ZBTB20: variants seen among roughly 807,000 people sequenced by gnomAD.
ZBTB20 encodes the protein zinc finger and BTB domain-containing protein 20.
A neutral mutation model predicts 56.9 loss-of-function variants in ZBTB20; 9 were observed. The observed-to-expected ratio is 0.16, with a 90% confidence interval of 0.10 to 0.28. ZBTB20 has a LOEUF of 0.28. ZBTB20 is among the 10% of genes least tolerant of loss of function. The pLI is 1.00. For synonymous variants in ZBTB20, 417 were observed against 420.7 expected, an observed-to-expected ratio of 0.99 and a Z score of 0.11; for missense variants, 655 against 1,003.0, an observed-to-expected ratio of 0.65 and a Z score of 4.69.
At chr3:114,954,162 T>C (rs2077169170) in intron 3 of ZBTB20, among the ~76,000 whole-genome samples, 1 of 152,170 alleles carries the variant, frequency 6.6e-6, no homozygotes, top group Non-Finnish European at 1.5e-5. Flanking sequence ...GTAATCCAAA[T>C]AGTTTTGACT....
chr3:114,907,475 C>T (rs1198007943), intron 3 of ZBTB20, among the ~76,000 whole-genome samples: 1 of 151,782 alleles, frequency 6.6e-6, no homozygotes, highest in Non-Finnish European at 1.5e-5. Context: ...GTCTGAGATG[C>T]ACCGCATAAC....
At chr3:114,513,190 A>C (rs2109830219) in intron 6 of ZBTB20, among the ~76,000 whole-genome samples, 1 of 152,324 alleles carries the variant, frequency 6.6e-6, no homozygotes, top group Non-Finnish European at 1.5e-5. Flanking sequence ...TGTTGCTTTC[A>C]GACATTTTTA....
intron 6 of ZBTB20, among the ~76,000 whole-genome samples, chr3:114,663,375 G>A (rs1366627658): frequency 6.7e-6 from 1 of 149,672 alleles, no homozygotes; most frequent in African/African-American, 2.5e-5. Flanking sequence ...CCCTAAAAGA[G>A]CTCCTGAAGG....
chr3:114,912,516 A>T lies in ZBTB20; in HGVS notation c.-455-12174T>A, dbSNP rs186357968. 1.2e-4 allele frequency among the ~76,000 whole-genome samples: 18 copies of T among 152,020 alleles called. No homozygotes were observed. The East Asian group carries it at 3.5e-3, about 29-fold the overall frequency. On this transcript the variant is annotated intron_variant, in intron 3 of 11. Coordinates refer to ENST00000675478, the MANE Select transcript of ZBTB20 (RefSeq NM_001348800.3). The stretch of plus-strand genomic sequence containing the variant: ...TATATATATTTATGGGGTACATGAG[A>T]TATTTTGATATAGGCACATAATGCC...
At chr3:114,519,411 C>T (rs1196557038) in intron 6 of ZBTB20, among the ~76,000 whole-genome samples, 2 of 152,172 alleles carry the variant, frequency 1.3e-5, no homozygotes, top group Non-Finnish European at 2.9e-5. Context: ...TAGCTTTATT[C>T]ATGATAAATA....
intron 6 of ZBTB20, among the ~76,000 whole-genome samples, chr3:114,548,581 T>C (rs1179539426): frequency 6.6e-6 from 1 of 151,922 alleles, no homozygotes; most frequent in Admixed American, 6.6e-5. Flanking sequence ...TGCAGTCGCA[T>C]GATCTCAGCT....
At chr3:114,621,456 T>G (rs2058314361) in intron 6 of ZBTB20, among the ~76,000 whole-genome samples, 1 of 152,192 alleles carries the variant, frequency 6.6e-6, no homozygotes, top group African/African-American at 2.4e-5. Context: ...CTAACATACA[T>G]ATACAATCAT....
intron 6 of ZBTB20, among the ~76,000 whole-genome samples, chr3:114,551,806 C>T (rs2050613864): frequency 1.3e-5 from 2 of 152,246 alleles, no homozygotes; most frequent in Non-Finnish European, 2.9e-5. Context: ...TAGACGTGTC[C>T]CAATTGTACC....
chr3:115,016,215 G>T (rs1327158951), intron 2 of ZBTB20, among the ~76,000 whole-genome samples: 1 of 151,936 alleles, frequency 6.6e-6, no homozygotes, highest in Non-Finnish European at 1.5e-5. Context: ...CTGGATATTA[G>T]ACCTTTGTCA....
intron 6 of ZBTB20, among the ~76,000 whole-genome samples, chr3:114,588,316 A>C (rs954645820): frequency 7.9e-5 from 12 of 152,248 alleles, no homozygotes; most frequent in Admixed American, 2.0e-4. Context: ...ATGCAAATCA[A>C]GCTGGTAAGC....
rs914816189 is a variant in ZBTB20 at position 114,964,734 on chromosome 3, G to T, written c.-456+9632C>A. Among the ~76,000 whole-genome samples, 37 of 152,038 alleles carry T rather than the reference G, an allele frequency of 2.4e-4. 1 individual carries two copies. Among genetic ancestry groups the T allele is most frequent in the Admixed American group, 2.2e-3 (34 of 15,246 alleles). On this transcript the variant is annotated intron_variant, in intron 3 of 11. Coordinates refer to ENST00000675478, the MANE Select transcript of ZBTB20 (RefSeq NM_001348800.3). ...AGAGATATGGGAGTTTGGAAGTTAG[G>T]GGCTCAAAGAGTGGACTGAGACCGA...
At position 114,351,285 on chromosome 3, in the gene ZBTB20, C is replaced by T. The variant is rs2108208839; in HGVS notation, c.793G>A (p.Ala265Thr). The change falls in exon 11 of 12, where the codon GCA (alanine) becomes ACA (threonine). Residue 265 changes from alanine (A) to threonine (T), a missense_variant. Physicochemically the swap from Ala to Thr is moderately conservative, Grantham distance 58. Around this residue, in one of 10 missense-constraint regions of ZBTB20, gnomAD observed 167 missense variants for 281.9 expected, o/e 0.59. Coordinates refer to ENST00000675478, the MANE Select transcript of ZBTB20 (RefSeq NM_001348800.3). ...GCAGTCTCGTGGTGGCTGACCACTG[C>T]GCCGCTGTAAAAAGAGCGCTCGCCG... ...GSGERSFYSG[A>T]VVSHHETALG... 1.2e-6 allele frequency: 2 copies of T among 1,603,540 alleles called. No individual in the cohort carries two copies. Among genetic ancestry groups the T allele is most frequent in the East Asian group, 2.2e-5 (1 of 44,736 alleles).
intron 5 of ZBTB20, among the ~76,000 whole-genome samples, chr3:114,796,565 G>T (rs551680954): frequency 1.3e-5 from 2 of 152,014 alleles, no homozygotes; most frequent in South Asian, 4.2e-4. Context: ...TCAATTAGGA[G>T]ATTTTTGTAA....
At chr3:114,369,065 T>C (rs186763151) in intron 10 of ZBTB20, among the ~76,000 whole-genome samples, 4 of 152,350 alleles carry the variant, frequency 2.6e-5, no homozygotes, top group African/African-American at 4.8e-5. Context: ...TTCAAACTTA[T>C]ATGCACCTTT....
chr3:114,620,237 T>C (rs769905805), intron 6 of ZBTB20, among the ~76,000 whole-genome samples: 2 of 152,306 alleles, frequency 1.3e-5, no homozygotes, highest in South Asian at 4.1e-4. Flanking sequence ...TTAAGGAGGC[T>C]CAGATATAGA....
In ZBTB20 at chr3:114,326,079, C is replaced by T. The variant is rs1431671810; in HGVS notation, c.*12926G>A. The T allele has an allele frequency of 6.6e-6, 1 of 152,106 alleles. No homozygotes were observed. Among genetic ancestry groups the T allele is most frequent in the Non-Finnish European group, 1.5e-5 (1 of 68,024 alleles). 9.4% of individuals were successfully genotyped at this position (152,106 alleles called of 1,614,324 possible). On this transcript the variant is annotated 3_prime_UTR_variant, in exon 12 of 12. Coordinates refer to ENST00000675478, the MANE Select transcript of ZBTB20 (RefSeq NM_001348800.3). ...CTACTTAAGACTTCATGAACACATA[C>T]AGTCTTGAAATGGCTAGAAAAGCAA...
intron 5 of ZBTB20, among the ~76,000 whole-genome samples, chr3:114,768,446 C>T (rs903130717): frequency 1.3e-5 from 2 of 151,984 alleles, no homozygotes; most frequent in Non-Finnish European, 1.5e-5. Context: ...TAGTCTAATA[C>T]TTACAATAAC....
chr3:114,877,641 C>T (rs2076247738), intron 4 of ZBTB20, among the ~76,000 whole-genome samples: 1 of 152,156 alleles, frequency 6.6e-6, no homozygotes, highest in Non-Finnish European at 1.5e-5. Flanking sequence ...AAAACACACA[C>T]ATATATATAA....
At position 114,351,059 on chromosome 3, in the gene ZBTB20, T is replaced by C; in HGVS notation, c.1019A>G (p.Tyr340Cys). 6.2e-7 allele frequency: 1 copy of C among 1,611,610 alleles called. No homozygotes were observed. The highest frequency in any genetic ancestry group is 8.5e-7 in the Non-Finnish European group (1 of 1,179,868). The change falls in exon 11 of 12, where the codon TAC (tyrosine) becomes TGC (cysteine). Residue 340 changes from tyrosine (Y) to cysteine (C), a missense_variant. By Grantham distance (194) the Tyr-to-Cys change is radical. Coordinates refer to ENST00000675478, the MANE Select transcript of ZBTB20 (RefSeq NM_001348800.3). ...CAGGATCTGCACCCTTTGCTGCCCG[T>C]AGTAGTCGTAATCGTCCTCCATCTC... ...KQEMEDDYDYYGQQRVQILER... is the reference protein window; with the variant it reads ...KQEMEDDYDYCGQQRVQILER...
Sources: gnomAD v4.1 joint callset for allele counts (sites outside exome capture counted in the v4.1 genomes callset) on GRCh38, gnomAD v4.1.1 for gene constraint, gnomAD v4.1.1 regional missense constraint, MANE v1.5 for transcripts, NCBI Gene and HGNC (gene_info 2026-07-23, HGNC 2026-07-21) for gene names.